ATL3: variants seen among roughly 807,000 people sequenced by gnomAD.
ATL3 encodes the protein atlastin GTPase 3.
ATL3 carries 49 observed loss-of-function variants against 69.5 expected under a neutral mutation model. The ratio of observed to expected loss-of-function variants is 0.71; its 90% CI spans 0.56 to 0.89. The LOEUF is 0.89. Ranked by LOEUF, ATL3 falls within the 40% of genes least tolerant of loss-of-function variation. The pLI, the probability that ATL3 is intolerant of heterozygous loss-of-function variation, is 0.00. For missense variants in ATL3, 606 were observed against 645.7 expected, an observed-to-expected ratio of 0.94 and a Z score of 0.67; for synonymous variants, 214 against 224.1, an observed-to-expected ratio of 0.95 and a Z score of 0.40.
intron 1 of ATL3, among the ~76,000 whole-genome samples, chr11:63,666,073 C>G (rs1328717731): frequency 6.6e-6 from 1 of 152,074 alleles, no homozygotes; most frequent in Non-Finnish European, 1.5e-5. Flanking sequence ...CTCAACCTAC[C>G]GGGCTCAGGC....
chr11:63,624,385 C>T lies in ATL3; in HGVS notation c.*4934G>A, dbSNP rs1049069237. 3 of 152,180 alleles carry T rather than the reference C, an allele frequency of 2.0e-5. No individual in the cohort carries two copies. The highest frequency in any genetic ancestry group is 4.4e-5 in the Non-Finnish European group (3 of 68,030). 9.4% of individuals were successfully genotyped at this position (152,180 alleles called of 1,614,324 possible). On this transcript the variant is annotated 3_prime_UTR_variant, in exon 13 of 13. Coordinates refer to ENST00000398868, the MANE Select transcript of ATL3 (RefSeq NM_015459.5). ...GCTATGGGAATCAATGCTACCTTCC[C>T]TTGCTCATAAAAACATTTAAACTGT...
chr11:63,651,874 T>C (rs911348286), intron 5 of ATL3, 62 bp downstream of exon 5: 1 of 1,537,534 alleles, frequency 6.5e-7, no homozygotes, highest in Non-Finnish European at 8.7e-7. Context: ...AGTTGTAAAA[T>C]GTTCCTTAAT....
At chr11:63,644,132 T>A (rs186779177) in intron 7 of ATL3, 37 bp downstream of exon 7, 2 of 1,373,062 alleles carry the variant, frequency 1.5e-6, no homozygotes, top group African/African-American at 2.9e-5. Flanking sequence ...TATCACTACT[T>A]TGAGATAATT....
intron 1 of ATL3, among the ~76,000 whole-genome samples, chr11:63,666,017 T>C (rs757370201): frequency 1.3e-5 from 2 of 152,132 alleles, no homozygotes; most frequent in Non-Finnish European, 2.9e-5. Flanking sequence ...TCTCACTCTG[T>C]TGCACAGGCT....
In ATL3 at chr11:63,631,111, T is replaced by C. The variant is rs748101985; in HGVS notation, c.1468A>G (p.Ile490Val). Residue 490 changes from isoleucine to valine, a missense_variant, in exon 12 of 13, where the codon ATC becomes GTC. Coordinates refer to ENST00000398868, the MANE Select transcript of ATL3 (RefSeq NM_015459.5). ...TCACGATATTGACCAGAATACCTGA[T>C]GTAGCCCCAGGTGAGGAGTGCTATT... ...LLIALLTWGYIRYSGQYRELG... is the reference protein window; with the variant it reads ...LLIALLTWGYVRYSGQYRELG... 1 of 1,614,184 alleles carries C rather than the reference T, an allele frequency of 6.2e-7. No individual in the cohort carries two copies. The highest frequency in any genetic ancestry group is 2.2e-5 in the East Asian group (1 of 44,880).
intron 5 of ATL3, among the ~76,000 whole-genome samples, chr11:63,647,384 G>T (rs1478301615): frequency 2.0e-5 from 3 of 152,050 alleles, no homozygotes; most frequent in Admixed American, 6.6e-5. Flanking sequence ...GTAGAGACGG[G>T]GTTTCTCCAT....
At chr11:63,634,310 T>A (rs1939443712) in intron 10 of ATL3, among the ~76,000 whole-genome samples, 1 of 151,048 alleles carries the variant, frequency 6.6e-6, no homozygotes, top group African/African-American at 2.4e-5. Flanking sequence ...ATCGAGATCA[T>A]CCTGGCTAAC....
chr11:63,645,960 T>G (rs1427059801), intron 6 of ATL3, among the ~76,000 whole-genome samples: 1 of 151,852 alleles, frequency 6.6e-6, no homozygotes, highest in Non-Finnish European at 1.5e-5. Context: ...TAGAGACAGG[T>G]TCCATGTTGG....
intron 10 of ATL3, among the ~76,000 whole-genome samples, chr11:63,633,851 G>C (rs1275506162): frequency 6.7e-6 from 1 of 150,358 alleles, no homozygotes; most frequent in African/African-American, 2.4e-5. Context: ...TGGCCAACAT[G>C]TTGAAACCCC....
chr11:63,645,949 G>C (rs370750749), intron 6 of ATL3, among the ~76,000 whole-genome samples: 2 of 151,892 alleles, frequency 1.3e-5, no homozygotes, highest in Non-Finnish European at 2.9e-5. Context: ...TGTATTTTTA[G>C]TAGAGACAGG....
At chr11:63,642,789 T>C (rs1049413371) in intron 8 of ATL3, among the ~76,000 whole-genome samples, 4 of 152,236 alleles carry the variant, frequency 2.6e-5, no homozygotes, top group Non-Finnish European at 5.9e-5. Flanking sequence ...ATAAGCTTAT[T>C]AACAAGTGCT....
chr11:63,636,742 GAAAA>G (rs35563503), intron 8 of ATL3, among the ~76,000 whole-genome samples: 1 of 142,826 alleles, frequency 7.0e-6, no homozygotes, highest in Non-Finnish European at 1.5e-5. Flanking sequence ...TCCATCTCAA[GAAAA>G]AAAAAAAAAA....
intron 10 of ATL3, among the ~76,000 whole-genome samples, chr11:63,634,185 TAAAAAAA>T (rs146288332): frequency 1.8e-5 from 2 of 113,662 alleles, no homozygotes; most frequent in Non-Finnish European, 3.5e-5. Flanking sequence ...TGTTTCTATT[TAAAAAAA>T]AAAAAAAAAA....
intron 10 of ATL3, among the ~76,000 whole-genome samples, chr11:63,634,334 G>A (rs1939444902): frequency 6.6e-6 from 1 of 151,374 alleles, no homozygotes; most frequent in Non-Finnish European, 1.5e-5. Context: ...GTGAAACCCT[G>A]TCTCTACTAA....
chr11:63,636,079 T>C, intron 9 of ATL3, 128 bp downstream of exon 9: 2 of 1,207,612 alleles, frequency 1.7e-6, no homozygotes, highest in Non-Finnish European at 2.3e-6. Flanking sequence ...CCAAGGTCTC[T>C]GAAAATGCCT....
At position 63,643,352 on chromosome 11, in the gene ATL3, C is replaced by A. The variant is rs371251074; in HGVS notation, c.850+5G>T. On this transcript the variant is annotated splice_donor_5th_base_variant and intron_variant, in intron 8 of 12. Transcript: ENST00000398868. ...CACAGGTTTAAAATAACACCTGGAACACACCTTTTAATTTCCCATCAAAGT... is the reference window on the plus strand; with the variant it reads ...CACAGGTTTAAAATAACACCTGGAAAACACCTTTTAATTTCCCATCAAAGT... 2 of 1,601,802 alleles carry A rather than the reference C, an allele frequency of 1.2e-6. No individual in the cohort carries two copies. The highest frequency in any genetic ancestry group is 4.5e-5 in the East Asian group (2 of 44,632).
intron 3 of ATL3, among the ~76,000 whole-genome samples, chr11:63,658,104 C>T (rs1940313721): frequency 6.6e-6 from 1 of 152,158 alleles, no homozygotes; most frequent in Non-Finnish European, 1.5e-5. Context: ...GATCTGCCCA[C>T]CCTGGCCTCC....
upstream of ATL3, chr11:63,671,411 C>G (rs758130744): frequency 6.6e-7 from 1 of 1,520,034 alleles, no homozygotes; most frequent in Non-Finnish European, 8.8e-7. Flanking sequence ...CGAACCGGGC[C>G]CTGGAAGCGG....
chr11:63,638,431 G>A (rs753314244), intron 8 of ATL3, among the ~76,000 whole-genome samples: 9 of 152,114 alleles, frequency 5.9e-5, no homozygotes, highest in African/African-American at 2.2e-4. Flanking sequence ...TAGGCCTAGC[G>A]TGGTGGCCCG....
Sources: gnomAD v4.1 joint callset for allele counts (sites outside exome capture counted in the v4.1 genomes callset) on GRCh38, gnomAD v4.1.1 for gene constraint, MANE v1.5 for transcripts, NCBI Gene and HGNC (gene_info 2026-07-23, HGNC 2026-07-21) for gene names.